Variants in COL5A2 observed in about 807,000 individuals in gnomAD.
COL5A2 encodes the protein collagen alpha-2(V) chain.
In COL5A2, 23 loss-of-function variants were observed where a neutral mutation model predicts 208.2. The observed-to-expected ratio is 0.11, with a 90% CI of 0.08 to 0.16. The LOEUF (loss-of-function observed/expected upper bound fraction) is 0.16. Ranked by LOEUF, COL5A2 falls within the 10% of genes least tolerant of loss-of-function variation. The pLI, the probability that COL5A2 is intolerant of heterozygous loss-of-function variation, is 1.00. For missense variants in COL5A2, 1,590 were observed against 1,956.4 expected (o/e 0.81, Z 3.53); for synonymous variants, 625 against 628.5 (o/e 0.99, Z 0.08).
upstream of COL5A2, among the ~76,000 whole-genome samples, chr2:189,180,755 G>A (rs1688768346): frequency 6.6e-6 from 1 of 152,154 alleles, no homozygotes; most frequent in African/African-American, 2.4e-5. Flanking sequence ...CAGCTTTGCA[G>A]GGAATATGAT....
At chr2:189,174,224 G>T (rs1688633912) in intron 1 of COL5A2, among the ~76,000 whole-genome samples, 1 of 152,230 alleles carries the variant, frequency 6.6e-6, no homozygotes, top group South Asian at 2.1e-4. Flanking sequence ...TTTCAGGCCT[G>T]TAGCGATAGT....
the COL5A2 span, among the ~76,000 whole-genome samples, chr2:189,409,336 T>C: frequency 4.6e-5 from 7 of 151,156 alleles, no homozygotes. Context: ...CTCAGCCTCC[T>C]GAGTAACTGT....
At chr2:189,290,901 C>T in the COL5A2 span, among the ~76,000 whole-genome samples, 67 of 152,060 alleles carry the variant, frequency 4.4e-4, no homozygotes, top group African/African-American at 1.6e-3. Flanking sequence ...ATTAAGAAGG[C>T]TATCAGAAAT....
chr2:189,419,674 T>C, the COL5A2 span, among the ~76,000 whole-genome samples: 2 of 151,558 alleles, frequency 1.3e-5, no homozygotes, highest in Admixed American at 6.6e-5. Flanking sequence ...CACACGTCTA[T>C]AGTCCTAGCT....
the COL5A2 span, among the ~76,000 whole-genome samples, chr2:189,296,494 C>G: frequency 6.6e-6 from 1 of 152,054 alleles, no homozygotes; most frequent in East Asian, 1.9e-4. Context: ...CTTCATTTGT[C>G]CAGTTATTCT....
At chr2:189,309,468 A>C in the COL5A2 span, among the ~76,000 whole-genome samples, 1 of 152,186 alleles carries the variant, frequency 6.6e-6, no homozygotes, top group South Asian at 2.1e-4. Flanking sequence ...CTGGCAGGCC[A>C]CTGCGCATGC....
At chr2:189,112,251 C>T (rs72908338) in intron 1 of COL5A2, among the ~76,000 whole-genome samples, 20,018 of 152,086 alleles carry the variant, frequency 0.13, 1,350 homozygotes, top group Middle Eastern at 0.19. Flanking sequence ...ATCTAAACTA[C>T]GGTAAACTAG....
At chr2:189,410,068 T>G in the COL5A2 span, among the ~76,000 whole-genome samples, 1 of 152,166 alleles carries the variant, frequency 6.6e-6, no homozygotes. Flanking sequence ...ATTTAACTTA[T>G]TTTTATAAGA....
At chr2:189,418,455 A>G in the COL5A2 span, among the ~76,000 whole-genome samples, 3 of 152,232 alleles carry the variant, frequency 2.0e-5, no homozygotes, top group African/African-American at 7.2e-5. Flanking sequence ...TGGAAAAAAG[A>G]GCTAAAATAG....
chr2:189,056,878 A>G (rs1685911073), intron 35 of COL5A2, 95 bp downstream of exon 35: 1 of 1,187,506 alleles, frequency 8.4e-7, no homozygotes, highest in African/African-American at 1.5e-5. Flanking sequence ...TACCAAGGAA[A>G]CATGACTGAC....
At chr2:189,272,192 C>T in the COL5A2 span, among the ~76,000 whole-genome samples, 9 of 152,252 alleles carry the variant, frequency 5.9e-5, no homozygotes, top group Admixed American at 3.3e-4. Context: ...AATCATTCTA[C>T]GATAAAGACA....
chr2:189,328,689 C>A, the COL5A2 span, among the ~76,000 whole-genome samples: 1 of 152,110 alleles, frequency 6.6e-6, no homozygotes, highest in Non-Finnish European at 1.5e-5. Context: ...ATTTTGTTTG[C>A]CCCACTGCTA....
upstream of COL5A2, among the ~76,000 whole-genome samples, chr2:189,227,333 T>C (rs1217962563): frequency 6.6e-6 from 1 of 152,126 alleles, no homozygotes; most frequent in Non-Finnish European, 1.5e-5. Flanking sequence ...ATGAAAATAG[T>C]GTATGAACAA....
chr2:189,333,508 G>C, the COL5A2 span, among the ~76,000 whole-genome samples: 5,537 of 152,132 alleles, frequency 0.036, 118 homozygotes, highest in Admixed American at 0.05. Flanking sequence ...GAAACAAAAT[G>C]TGAGTAGCTA....
intron 1 of COL5A2, among the ~76,000 whole-genome samples, chr2:189,195,911 T>C (rs1461481005): frequency 2.6e-5 from 4 of 152,100 alleles, no homozygotes; most frequent in African/African-American, 4.8e-5. Context: ...GACTTTATGA[T>C]GAAAATGCCA....
chr2:189,311,576 T>A, the COL5A2 span: 1 of 1,231,986 alleles, frequency 8.1e-7, no homozygotes, highest in South Asian at 1.3e-5. Flanking sequence ...GGCCTCCACC[T>A]CCCTCAGGCT....
At chr2:189,046,949 C>T (rs941046987) in intron 45 of COL5A2, among the ~76,000 whole-genome samples, 1 of 152,034 alleles carries the variant, frequency 6.6e-6, no homozygotes, top group Admixed American at 6.6e-5. Flanking sequence ...TGGTGAAACC[C>T]AGTCTCTATT....
At chr2:189,034,876 T>C (rs1397650217) in intron 53 of COL5A2, 40 bp downstream of exon 53, 1 of 1,613,072 alleles carries the variant, frequency 6.2e-7, no homozygotes. Context: ...AAATAATTTT[T>C]TTTCCTCAAC....
At chr2:189,299,754 C>T in the COL5A2 span, among the ~76,000 whole-genome samples, 1 of 152,076 alleles carries the variant, frequency 6.6e-6, no homozygotes, top group Non-Finnish European at 1.5e-5. Context: ...AATTCCAAAG[C>T]AAGTCATGGT....
Sources: gnomAD v4.1 joint callset for allele counts (sites outside exome capture counted in the v4.1 genomes callset) on GRCh38, gnomAD v4.1.1 for gene constraint, MANE v1.5 for transcripts, NCBI Gene and HGNC (gene_info 2026-07-23, HGNC 2026-07-21) for gene names.